The following ANKRD36C variants were observed in gnomAD, a reference collection of about 807,000 sequenced individuals.
ANKRD36C encodes the protein ankyrin repeat domain-containing protein 36C.
ANKRD36C carries 61 observed loss-of-function variants against 276.4 expected under a neutral mutation model. The observed-to-expected ratio is 0.22, with a 90% CI of 0.18 to 0.27. ANKRD36C has a LOEUF of 0.27. Ranked by LOEUF, ANKRD36C falls within the 10% of genes least tolerant of loss-of-function variation. The pLI is 1.00. For synonymous variants in ANKRD36C, 483 were observed against 680.1 expected (o/e 0.71, Z 4.51); for missense variants, 1,447 against 2,032.3 (o/e 0.71, Z 5.54).
chr2:95,876,716 G>A (rs1288635433), intron 58 of ANKRD36C, among the ~76,000 whole-genome samples: 1 of 146,286 alleles, frequency 6.8e-6, no homozygotes, highest in African/African-American at 2.5e-5. Flanking sequence ...GCTGGGCGTG[G>A]TGGTGGGCGC....
chr2:95,949,091 C>T (rs181096499), intron 16 of ANKRD36C, among the ~76,000 whole-genome samples: 50 of 152,210 alleles, frequency 3.3e-4, no homozygotes, highest in Admixed American at 3.0e-3. Context: ...AGTCTTAGAT[C>T]TTCAGCATGT....
intron 49 of ANKRD36C, 28 bp from the exon 70 acceptor site, chr2:95,888,025 A>T: frequency 2.5e-6 from 4 of 1,602,636 alleles, no homozygotes; most frequent in Non-Finnish European, 3.4e-6. Flanking sequence ...CAAAATAATG[A>T]ATACATAAAC....
At chr2:95,910,878 G>A (rs1676898637) in intron 42 of ANKRD36C, among the ~76,000 whole-genome samples, 1 of 151,578 alleles carries the variant, frequency 6.6e-6, no homozygotes, top group South Asian at 2.1e-4. Flanking sequence ...TCTAAAATCA[G>A]AAGAGCAACT....
chr2:95,972,520 T>C (rs571919438), intron 6 of ANKRD36C, among the ~76,000 whole-genome samples: 8 of 152,310 alleles, frequency 5.3e-5, no homozygotes, highest in African/African-American at 1.9e-4. Context: ...AATTTTACTA[T>C]GTATTCTTTC....
exon 28 of ANKRD36C, chr2:95,927,253 T>G: frequency 6.2e-7 from 1 of 1,610,322 alleles, no homozygotes; most frequent in Non-Finnish European, 8.5e-7. Flanking sequence ...TCTGTGGCTA[T>G]ATTTGAAACA....
At chr2:95,948,638 T>A (rs1678117537) in intron 16 of ANKRD36C, 42 bp from the exon 17 acceptor site, 1 of 1,528,968 alleles carries the variant, frequency 6.5e-7, no homozygotes. Context: ...CACGTTCATT[T>A]CTTAAAAGAA....
At chr2:95,947,598 G>T (rs1243418937) in intron 17 of ANKRD36C, among the ~76,000 whole-genome samples, 1 of 151,994 alleles carries the variant, frequency 6.6e-6, no homozygotes, top group Non-Finnish European at 1.5e-5. Flanking sequence ...GACCCTGAGT[G>T]GATTATTTTT....
At chr2:95,880,194 CAAAACAAAACAA>C (rs1271525372) in intron 58 of ANKRD36C, among the ~76,000 whole-genome samples, 9 of 151,340 alleles carry the variant, frequency 5.9e-5, no homozygotes, top group East Asian at 3.9e-4. Flanking sequence ...AAACAAAAAA[CAAAACAAAACAA>C]AAAACAAAAC....
intron 22 of ANKRD36C, among the ~76,000 whole-genome samples, chr2:95,936,480 T>G (rs1677720386): frequency 6.6e-6 from 1 of 152,284 alleles, no homozygotes. Context: ...TGTTGCTGTG[T>G]GACCCCTACA....
At chr2:95,987,605 CTTTTTTTTT>C (rs35536038) in intron 1 of ANKRD36C, among the ~76,000 whole-genome samples, 3 of 87,484 alleles carry the variant, frequency 3.4e-5, no homozygotes, top group African/African-American at 4.6e-5. Context: ...CTTACAAAGA[CTTTTTTTTT>C]TTTTTTTTTT....
intron 44 of ANKRD36C, among the ~76,000 whole-genome samples, chr2:95,894,693 C>T (rs1294669686): frequency 6.6e-6 from 1 of 151,342 alleles, no homozygotes; most frequent in Non-Finnish European, 1.5e-5. Context: ...TATCTCATTT[C>T]TATAACTAAA....
At chr2:95,896,222 C>A (rs1405749529) in intron 44 of ANKRD36C, among the ~76,000 whole-genome samples, 4 of 149,072 alleles carry the variant, frequency 2.7e-5, no homozygotes, top group African/African-American at 9.9e-5. Context: ...CTAGTTTAGG[C>A]TTCCGAAAGT....
intron 6 of ANKRD36C, among the ~76,000 whole-genome samples, chr2:95,973,430 A>G (rs956016789): frequency 6.6e-6 from 1 of 152,176 alleles, no homozygotes; most frequent in Non-Finnish European, 1.5e-5. Flanking sequence ...AAATCTATTA[A>G]TAAAAACATA....
At chr2:95,953,297 G>A (rs977328304) in intron 14 of ANKRD36C, among the ~76,000 whole-genome samples, 2 of 151,958 alleles carry the variant, frequency 1.3e-5, no homozygotes, top group African/African-American at 4.8e-5. Context: ...TAAACTCCTG[G>A]GCTCAAGAAA....
At chr2:95,912,670 C>G (rs181591565) in intron 40 of ANKRD36C, among the ~76,000 whole-genome samples, 5 of 151,326 alleles carry the variant, frequency 3.3e-5, no homozygotes, top group Admixed American at 1.3e-4. Flanking sequence ...TGTCACGTGT[C>G]GAAACCCAAA....
Position 95,919,652 on chromosome 2 carries a change from A to G in ANKRD36C, c.2246-1610T>C, listed in dbSNP as rs543885836. Reference sequence around the variant, plus strand: ...GCAGCTTCGGCGACTCCCCCCACCCACCCTCCGCTGATTTATTCGGGATAG... The same window carrying G: ...GCAGCTTCGGCGACTCCCCCCACCCGCCCTCCGCTGATTTATTCGGGATAG... On this transcript the variant is annotated intron_variant, in intron 34 of 66. Coordinates refer to ENST00000456556, the Ensembl canonical transcript of ANKRD36C. 153 of 280,706 alleles carry G rather than the reference A, an allele frequency of 5.5e-4. 24 individuals carry two copies. The Middle Eastern group carries it at 5.9e-3, about 11-fold the overall frequency. 17.4% of individuals were successfully genotyped at this position (280,706 alleles called of 1,614,324 possible).
intron 3 of ANKRD36C, among the ~76,000 whole-genome samples, chr2:95,983,171 C>CCAATTCTGA (rs1678955238): frequency 6.6e-6 from 1 of 151,140 alleles, no homozygotes; most frequent in Non-Finnish European, 1.5e-5. Context: ...GATTCTGACA[C>CCAATTCTGA]GATTGACAGT....
At position 95,869,632 on chromosome 2, in the gene ANKRD36C, T is replaced by C. The variant is rs1339771339; in HGVS notation, c.3541-2051A>G. ...ATTTCCATCTGAGGTACCAGGTTCA[T>C]CTCACTAAAGAGTGCCAGACAGTGG... On this transcript the variant is annotated intron_variant, in intron 59 of 66. Coordinates refer to ENST00000456556, the Ensembl canonical transcript of ANKRD36C. Among the ~76,000 whole-genome samples the C allele has an allele frequency of 7.2e-5, 11 of 152,212 alleles. No individual in the cohort carries two copies. The East Asian group carries it at 2.1e-3, about 29-fold the overall frequency.
At chr2:95,912,462 A>C (rs746897355) in intron 40 of ANKRD36C, 27 bp from the exon 43 acceptor site, 19 of 1,604,646 alleles carry the variant, frequency 1.2e-5, no homozygotes, top group Non-Finnish European at 1.5e-5. Flanking sequence ...ATACATAATC[A>C]CTCACACGTA....
Sources: allele counts gnomAD v4.1 joint callset (sites outside exome capture counted in the v4.1 genomes callset), GRCh38; gene constraint gnomAD v4.1.1; transcripts MANE v1.5; gene names NCBI Gene and HGNC (gene_info 2026-07-23, HGNC 2026-07-21).